ADGRV1: variants seen among roughly 807,000 people sequenced by gnomAD.
ADGRV1 encodes adhesion G protein-coupled receptor V1, also known as G-protein coupled receptor 98.
In ADGRV1, 359 loss-of-function variants were observed where a neutral mutation model predicts 596.2. The ratio of observed to expected loss-of-function variants is 0.60; its 90% CI spans 0.55 to 0.66. The LOEUF is 0.66. ADGRV1 is among the 30% of genes least tolerant of loss of function. The pLI is 0.00. For synonymous variants in ADGRV1, 2,681 were observed against 2,679.2 expected (o/e 1.00, Z -0.02); for missense variants, 7,274 against 7,575.6 (o/e 0.96, Z 1.48).
chr5:90,965,308 A>C lies in ADGRV1; in HGVS notation c.17857-107A>C. 9 of 709,118 alleles carry C rather than the reference A, an allele frequency of 1.3e-5. No individual in the cohort carries two copies. The South Asian group carries it at 1.4e-4, about 11-fold the overall frequency. 43.9% of individuals were successfully genotyped at this position (709,118 alleles called of 1,614,324 possible). On this transcript the variant is annotated intron_variant, in intron 83 of 89. Coordinates refer to ENST00000405460, the MANE Select transcript of ADGRV1 (RefSeq NM_032119.4). ...TTGGGCAAGAAGTCAACTTACTTTC[A>C]CATGGAATCACTGAGTCATAGATTT... is the stretch of plus-strand genomic sequence containing the variant.
intron 5 of ADGRV1, among the ~76,000 whole-genome samples, chr5:90,624,381 T>G (rs1580492124): frequency 6.6e-6 from 1 of 152,346 alleles, no homozygotes; most frequent in South Asian, 2.1e-4. Context: ...GTAGAGTGTT[T>G]TCAACTTATC....
At chr5:90,646,711 C>A (rs770471328) in intron 16 of ADGRV1, among the ~76,000 whole-genome samples, 3 of 151,164 alleles carry the variant, frequency 2.0e-5, no homozygotes, top group Non-Finnish European at 4.4e-5. Context: ...TTACCTAATG[C>A]AGGAATTGCA....
At position 90,840,790 on chromosome 5, in the gene ADGRV1, T is replaced by G; in HGVS notation, c.16824T>G (p.Ile5608Met). Residue 5608 changes from isoleucine (I) to methionine (M), a missense_variant, in exon 78 of 90, where the codon ATT becomes ATG. Around this residue, in one of 5 missense-constraint regions of ADGRV1, gnomAD observed 1,874 missense variants for 1,970.2 expected, o/e 0.95. Transcript: ENST00000405460. ...VLFDPKGGAR[I>M]DKVYGTANIT... ...TTGACCCAAAAGGTGGTGCCAGAAT[T>G]GATAAAGTGTATGGGACTGCCAACA... is the stretch of plus-strand genomic sequence containing the variant. The G allele has an allele frequency of 6.2e-7, 1 of 1,613,952 alleles. No individual in the cohort carries two copies. Among genetic ancestry groups the G allele is most frequent in the Non-Finnish European group, 8.5e-7 (1 of 1,179,868 alleles).
At chr5:90,627,912 G>GAA in intron 7 of ADGRV1, 136 bp downstream of exon 7, 1 of 306,740 alleles carries the variant, frequency 3.3e-6, no homozygotes, top group Non-Finnish European at 5.5e-6. Context: ...GACAAACTCA[G>GAA]AAAAGACACA....
intron 33 of ADGRV1, among the ~76,000 whole-genome samples, chr5:90,695,910 GGTTAT>G (rs1384970631): frequency 3.3e-5 from 5 of 151,980 alleles, no homozygotes; most frequent in African/African-American, 1.2e-4. Flanking sequence ...TTTTTCCAGT[GGTTAT>G]GTTAACTACA....
At chr5:90,855,521 T>C (rs2150416021) in intron 81 of ADGRV1, among the ~76,000 whole-genome samples, 1 of 152,244 alleles carries the variant, frequency 6.6e-6, no homozygotes, top group African/African-American at 2.4e-5. Context: ...CCTTCAAAGC[T>C]TTGGTTGGTA....
intron 60 of ADGRV1, among the ~76,000 whole-genome samples, chr5:90,774,810 T>C (rs935973785): frequency 6.6e-6 from 1 of 152,206 alleles, no homozygotes; most frequent in Non-Finnish European, 1.5e-5. Flanking sequence ...GTTGGAATTA[T>C]TTATTTGAAA....
chr5:90,915,270 T>C (rs1773246637), intron 83 of ADGRV1, among the ~76,000 whole-genome samples: 1 of 152,218 alleles, frequency 6.6e-6, no homozygotes, highest in Non-Finnish European at 1.5e-5. Flanking sequence ...TTATTTATTA[T>C]TTTAAAACAG....
chr5:90,970,857 ATGACTT>A (rs773992954), intron 84 of ADGRV1, among the ~76,000 whole-genome samples: 45 of 152,338 alleles, frequency 3.0e-4, no homozygotes, highest in Admixed American at 7.8e-4. Context: ...TAGACGGAGA[ATGACTT>A]TGACAAGTTG....
At chr5:90,889,972 A>C (rs1770655141) in intron 83 of ADGRV1, among the ~76,000 whole-genome samples, 1 of 152,118 alleles carries the variant, frequency 6.6e-6, no homozygotes, top group Non-Finnish European at 1.5e-5. Context: ...ACCTTTGCCC[A>C]TTCCAGCTGC....
At chr5:90,875,542 A>G (rs1333826816) in intron 83 of ADGRV1, among the ~76,000 whole-genome samples, 1 of 152,178 alleles carries the variant, frequency 6.6e-6, no homozygotes, top group Non-Finnish European at 1.5e-5. Flanking sequence ...AAGTCCATAG[A>G]AGCAGACTAC....
chr5:90,970,171 TGGG>T (rs1434593019), intron 84 of ADGRV1, among the ~76,000 whole-genome samples: 1 of 152,106 alleles, frequency 6.6e-6, no homozygotes, highest in African/African-American at 2.4e-5. Context: ...GCAGCGAGGC[TGGG>T]GGAGGGGTGC....
At chr5:90,735,287 G>A (rs1753077414) in intron 50 of ADGRV1, among the ~76,000 whole-genome samples, 1 of 152,108 alleles carries the variant, frequency 6.6e-6, no homozygotes, top group Non-Finnish European at 1.5e-5. Flanking sequence ...TCTTCATTGT[G>A]TGTTCTTGGC....
At chr5:90,720,272 G>T in intron 44 of ADGRV1, 49 bp downstream of exon 44, 1 of 1,196,292 alleles carries the variant, frequency 8.4e-7, no homozygotes, top group Non-Finnish European at 1.1e-6. Flanking sequence ...TATAAGTAGG[G>T]AATATTTTTT....
intron 87 of ADGRV1, among the ~76,000 whole-genome samples, chr5:91,115,290 C>G (rs1792751950): frequency 6.6e-6 from 1 of 152,144 alleles, no homozygotes; most frequent in African/African-American, 2.4e-5. Flanking sequence ...ACAAAAATCT[C>G]AATACATTTA....
At chr5:91,037,659 G>A (rs1005641373) in intron 85 of ADGRV1, among the ~76,000 whole-genome samples, 1 of 152,190 alleles carries the variant, frequency 6.6e-6, no homozygotes. Flanking sequence ...TTGCAATTTA[G>A]ATAAGTTTCA....
At chr5:90,709,577 A>G (rs1191220014) in intron 39 of ADGRV1, among the ~76,000 whole-genome samples, 1 of 152,212 alleles carries the variant, frequency 6.6e-6, no homozygotes, top group African/African-American at 2.4e-5. Context: ...GGGAAAGTTA[A>G]TTTGGATTAA....
At chr5:91,120,379 G>A (rs1261996394) in intron 87 of ADGRV1, among the ~76,000 whole-genome samples, 1 of 152,132 alleles carries the variant, frequency 6.6e-6, no homozygotes, top group Non-Finnish European at 1.5e-5. Context: ...TAAACACTAT[G>A]TGGGCCAGTC....
rs115873280 is a variant in ADGRV1, at chr5:91,157,011, C to T, written c.18802+3613C>T. Among the ~76,000 whole-genome samples, 831 of 152,306 alleles carry T rather than the reference C, an allele frequency of 5.5e-3. 9 individuals are homozygous for T. The highest frequency in any genetic ancestry group is 0.019 in the African/African-American group (798 of 41,568). Reference sequence around the variant, plus strand: ...ACAGAGTCTTTGAAGTCGAGCACAGCGCTGCTTGCTTGGAACTGAGTAATA... The same window carrying T: ...ACAGAGTCTTTGAAGTCGAGCACAGTGCTGCTTGCTTGGAACTGAGTAATA... On this transcript the variant is annotated intron_variant, in intron 89 of 89. Coordinates refer to ENST00000405460, the MANE Select transcript of ADGRV1 (RefSeq NM_032119.4).
Sources: allele counts gnomAD v4.1 joint callset (sites outside exome capture counted in the v4.1 genomes callset), GRCh38; gene constraint gnomAD v4.1.1; regional missense constraint gnomAD v4.1.1; transcripts MANE v1.5; gene names NCBI Gene and HGNC (gene_info 2026-07-23, HGNC 2026-07-21).